Variants in RGS22 observed in about 807,000 individuals in gnomAD.
The protein encoded by RGS22 is regulator of G protein signaling 22, also known as regulator of G-protein signaling 22.
Under a neutral mutation model 172.9 loss-of-function variants are expected in RGS22, and 148 were observed. The observed-to-expected ratio is 0.86, with a 90% CI of 0.75 to 0.98. RGS22 has a LOEUF of 0.98. Ranked by LOEUF, RGS22 falls within the 50% of genes least tolerant of loss-of-function variation. The pLI, the probability that RGS22 is intolerant of heterozygous loss-of-function variation, is 0.00. For missense variants in RGS22, 1,347 were observed against 1,440.8 expected (o/e 0.93, Z 1.05); for synonymous variants, 458 against 480.2 (o/e 0.95, Z 0.60).
intron 14 of RGS22, among the ~76,000 whole-genome samples, chr8:100,028,319 G>T (rs556320187): frequency 1.3e-5 from 2 of 152,134 alleles, no homozygotes; most frequent in Non-Finnish European, 2.9e-5. Context: ...TTTAGATGAA[G>T]AGTTTTCAGG....
chr8:100,002,471 C>A, intron 17 of RGS22, 107 bp from the exon 18 acceptor site: 1 of 1,013,584 alleles, frequency 9.9e-7, no homozygotes, highest in Non-Finnish European at 1.4e-6. Context: ...GCTATCTTGA[C>A]TAGTAGCATT....
At chr8:100,078,573 C>T (rs1811526417) in intron 4 of RGS22, among the ~76,000 whole-genome samples, 10 of 151,468 alleles carry the variant, frequency 6.6e-5, no homozygotes, top group Admixed American at 6.6e-4. Flanking sequence ...TGTCTGCTTT[C>T]CATTTAGTAC....
At chr8:99,984,788 GAC>G (rs111285438) in intron 21 of RGS22, among the ~76,000 whole-genome samples, 3,305 of 139,098 alleles carry the variant, frequency 0.024, 37 homozygotes, top group Middle Eastern at 0.034. Context: ...AGTCTTTACG[GAC>G]ACACACACAC....
intron 23 of RGS22, among the ~76,000 whole-genome samples, chr8:99,972,516 A>C (rs1355914884): frequency 6.6e-6 from 1 of 152,258 alleles, no homozygotes. Flanking sequence ...ACAGAGGTCT[A>C]ATATCCAGAA....
chr8:99,960,990 T>C lies in RGS22; in HGVS notation c.*252A>G, dbSNP rs1054726689. 1.2e-5 allele frequency: 3 copies of C among 259,866 alleles called. No homozygotes were observed. Among genetic ancestry groups the C allele is most frequent in the Non-Finnish European group, 2.3e-5 (3 of 130,944 alleles). The allele number at this position is 259,866 out of a possible 1,614,324, so 16.1% of individuals were successfully genotyped here. On this transcript the variant is annotated 3_prime_UTR_variant, in exon 28 of 28. Coordinates refer to ENST00000360863, the MANE Select transcript of RGS22 (RefSeq NM_015668.5). ...GTTTTATTCTAAATAAGTTAAACAGTTCTTATAGTCTTGTATGTCATGTGT... is the reference window on the plus strand; with the variant it reads ...GTTTTATTCTAAATAAGTTAAACAGCTCTTATAGTCTTGTATGTCATGTGT...
At chr8:100,003,114 T>C (rs1414644472) in intron 17 of RGS22, 3 of 212,870 alleles carry the variant, frequency 1.4e-5, no homozygotes, top group African/African-American at 4.7e-5. Flanking sequence ...AGGATGACTA[T>C]AGTCAATAAT....
intron 23 of RGS22, among the ~76,000 whole-genome samples, chr8:99,976,575 A>G (rs1013235641): frequency 2.6e-5 from 4 of 152,090 alleles, no homozygotes; most frequent in African/African-American, 9.7e-5. Context: ...GTTAGCCAGG[A>G]TGGTCTCGAT....
In RGS22 at chr8:100,063,836, GT is replaced by G; in HGVS notation, c.931del (p.Thr311HisfsTer6). 6.2e-7 allele frequency: 1 copy of G among 1,610,198 alleles called. No individual in the cohort carries two copies. Among genetic ancestry groups the G allele is most frequent in the Non-Finnish European group, 8.5e-7 (1 of 1,179,046 alleles). ...VDESLTMHFS[T>X]CEEFLSSYIY... is the part of the protein sequence containing the mutation. ...ATAGGAGCTTAAAAATTCTTCACAT[GT>G]TGAGAAATGCATTGTCAGGCTTTCA... is the stretch of plus-strand genomic sequence containing the variant. On this transcript the variant is annotated frameshift_variant, in exon 8 of 28. Coordinates refer to ENST00000360863, the MANE Select transcript of RGS22 (RefSeq NM_015668.5). LOFTEE classifies it high-confidence loss of function.
intron 2 of RGS22, among the ~76,000 whole-genome samples, chr8:100,095,095 A>G (rs1395095894): frequency 6.6e-6 from 1 of 152,216 alleles, no homozygotes; most frequent in Non-Finnish European, 1.5e-5. Flanking sequence ...TGAAATTTCT[A>G]ATTTTCAGAT....
At chr8:99,962,344 G>T in intron 27 of RGS22, 50 bp downstream of exon 27, 1 of 1,138,570 alleles carries the variant, frequency 8.8e-7, no homozygotes, top group Non-Finnish European at 1.3e-6. Flanking sequence ...ATGAATGAGT[G>T]TATTACGAGG....
At chr8:100,013,571 G>A (rs1204795947) in intron 14 of RGS22, among the ~76,000 whole-genome samples, 1 of 152,134 alleles carries the variant, frequency 6.6e-6, no homozygotes, top group Non-Finnish European at 1.5e-5. Context: ...CTAAGTTTCT[G>A]TATATGATTG....
chr8:100,060,906 G>T (rs1025224948), intron 9 of RGS22, among the ~76,000 whole-genome samples: 1 of 152,082 alleles, frequency 6.6e-6, no homozygotes, highest in Non-Finnish European at 1.5e-5. Context: ...CACACTACCC[G>T]AATTCAAACT....
chr8:100,052,186 A>T (rs377239246), intron 10 of RGS22, among the ~76,000 whole-genome samples: 5 of 44,138 alleles, frequency 1.1e-4, no homozygotes, highest in Non-Finnish European at 1.9e-4. Context: ...TAAATATATA[A>T]ACATATATAA....
At chr8:100,000,291 T>C (rs1423151890) in intron 18 of RGS22, among the ~76,000 whole-genome samples, 1 of 152,132 alleles carries the variant, frequency 6.6e-6, no homozygotes, top group Non-Finnish European at 1.5e-5. Flanking sequence ...ACTATTGTTT[T>C]ATATAAAAAC....
chr8:100,083,274 C>T (rs1456881300), intron 3 of RGS22, among the ~76,000 whole-genome samples: 1 of 152,116 alleles, frequency 6.6e-6, no homozygotes, highest in Admixed American at 6.5e-5. Context: ...CACATCGCGA[C>T]CAGGTTTTAT....
intron 23 of RGS22, among the ~76,000 whole-genome samples, chr8:99,969,956 T>C (rs544167519): frequency 4.6e-5 from 7 of 152,196 alleles, no homozygotes; most frequent in Non-Finnish European, 1.0e-4. Context: ...GTAGCACTTA[T>C]TCTAAAATCA....
intron 14 of RGS22, among the ~76,000 whole-genome samples, chr8:100,018,547 T>C (rs1271349851): frequency 6.6e-6 from 1 of 152,234 alleles, no homozygotes; most frequent in Non-Finnish European, 1.5e-5. Context: ...TTAATACATA[T>C]TAATTTGCTG....
At chr8:100,020,242 G>T (rs1033391822) in intron 14 of RGS22, among the ~76,000 whole-genome samples, 6 of 152,046 alleles carry the variant, frequency 3.9e-5, no homozygotes, top group Non-Finnish European at 7.4e-5. Flanking sequence ...GGACTGACAG[G>T]GTGGTATTAG....
chr8:99,972,735 G>T lies in RGS22; in HGVS notation c.3519+5182C>A, dbSNP rs866773667. ...TCACACCAGTTAGAATGGTGATCATGAAAAAGTCAGGAAATAAGCTGGGCG... is the reference window on the plus strand; with the variant it reads ...TCACACCAGTTAGAATGGTGATCATTAAAAAGTCAGGAAATAAGCTGGGCG... On this transcript the variant is annotated intron_variant, in intron 23 of 27. Coordinates refer to ENST00000360863, the MANE Select transcript of RGS22 (RefSeq NM_015668.5). Among the ~76,000 whole-genome samples the T allele has an allele frequency of 2.6e-5, 4 of 151,954 alleles. 1 individual carries two copies. In the South Asian group the frequency reaches 8.3e-4, roughly 32 times the overall value.
Sources: gnomAD v4.1 joint callset for allele counts (sites outside exome capture counted in the v4.1 genomes callset) on GRCh38, gnomAD v4.1.1 for gene constraint, MANE v1.5 for transcripts, NCBI Gene and HGNC (gene_info 2026-07-23, HGNC 2026-07-21) for gene names.